Variants in GALNT13 observed in about 807,000 individuals in gnomAD.
The protein encoded by GALNT13 is UDP-GalNAc:polypeptide N-acetylgalactosaminyltransferase 13.
Under a neutral mutation model 64.2 loss-of-function variants are expected in GALNT13, and 28 were observed. The observed-to-expected ratio is 0.44, with a 90% CI of 0.32 to 0.60. The LOEUF is 0.60. Ranked by LOEUF, GALNT13 falls within the 20% of genes least tolerant of loss-of-function variation. The pLI, the probability that GALNT13 is intolerant of heterozygous loss-of-function variation, is 0.05. For missense variants in GALNT13, 577 were observed against 669.8 expected, an observed-to-expected ratio of 0.86 and a Z score of 1.53; for synonymous variants, 214 against 224.6, an observed-to-expected ratio of 0.95 and a Z score of 0.42.
At chr2:153,611,526 G>A in the GALNT13 span, among the ~76,000 whole-genome samples, 575 of 151,794 alleles carry the variant, frequency 3.8e-3, 3 homozygotes, top group Middle Eastern at 0.01. Context: ...CTGCCACCAC[G>A]CCAGGCTAAT....
At chr2:153,416,911 T>G in the GALNT13 span, among the ~76,000 whole-genome samples, 1 of 152,140 alleles carries the variant, frequency 6.6e-6, no homozygotes, top group Non-Finnish European at 1.5e-5. Flanking sequence ...AGAAAAAGAA[T>G]ACAGGACCTT....
At chr2:153,560,069 C>G in the GALNT13 span, among the ~76,000 whole-genome samples, 15 of 151,900 alleles carry the variant, frequency 9.9e-5, no homozygotes, top group African/African-American at 3.6e-4. Context: ...GTTCCTATAG[C>G]CTTTAGACAT....
the GALNT13 span, among the ~76,000 whole-genome samples, chr2:153,412,525 C>A: frequency 6.6e-6 from 1 of 152,186 alleles, no homozygotes; most frequent in Non-Finnish European, 1.5e-5. Flanking sequence ...TGTAAGAGTG[C>A]ACTGGCATGT....
At chr2:154,004,852 C>T (rs1023874946) in intron 3 of GALNT13, among the ~76,000 whole-genome samples, 1 of 152,066 alleles carries the variant, frequency 6.6e-6, no homozygotes, top group Non-Finnish European at 1.5e-5. Context: ...AATACACATA[C>T]CAGGTAGATA....
At chr2:154,359,217 G>A (rs868300615) in intron 9 of GALNT13, among the ~76,000 whole-genome samples, 2 of 152,052 alleles carry the variant, frequency 1.3e-5, no homozygotes, top group South Asian at 2.1e-4. Context: ...AAACTAGACC[G>A]GGTATCCTAT....
chr2:153,852,368 T>A, the GALNT13 span, among the ~76,000 whole-genome samples: 1 of 152,284 alleles, frequency 6.6e-6, no homozygotes, highest in South Asian at 2.1e-4. Context: ...ACCAAGTAAA[T>A]GATATTTTCA....
the GALNT13 span, among the ~76,000 whole-genome samples, chr2:153,251,810 T>C: frequency 6.6e-6 from 1 of 152,076 alleles, no homozygotes; most frequent in Non-Finnish European, 1.5e-5. Context: ...TCATCATTTT[T>C]TATGGCTGCA....
At chr2:153,257,589 CT>C in the GALNT13 span, among the ~76,000 whole-genome samples, 1 of 152,096 alleles carries the variant, frequency 6.6e-6, no homozygotes, top group Non-Finnish European at 1.5e-5. Flanking sequence ...TGACTTTTCC[CT>C]TAAAAGTTTG....
At chr2:153,408,209 T>C in the GALNT13 span, among the ~76,000 whole-genome samples, 1 of 152,270 alleles carries the variant, frequency 6.6e-6, no homozygotes, top group East Asian at 1.9e-4. Flanking sequence ...AAAGAGACTA[T>C]GGCTCATCTC....
intron 3 of GALNT13, among the ~76,000 whole-genome samples, chr2:153,946,547 C>A (rs1387491636): frequency 6.6e-6 from 1 of 152,042 alleles, no homozygotes; most frequent in African/African-American, 2.4e-5. Context: ...CTAGCAGATG[C>A]AACGTCTGAT....
intron 9 of GALNT13, among the ~76,000 whole-genome samples, chr2:154,376,542 C>T (rs181491761): frequency 6.6e-6 from 1 of 151,940 alleles, no homozygotes; most frequent in Non-Finnish European, 1.5e-5. Flanking sequence ...ACACAGAGTA[C>T]AACATTTTAG....
intron 11 of GALNT13, among the ~76,000 whole-genome samples, chr2:154,409,670 T>C (rs1699707182): frequency 6.6e-6 from 1 of 151,942 alleles, no homozygotes; most frequent in Admixed American, 6.6e-5. Context: ...AGAGCTATTT[T>C]ACTGCCATGG....
At chr2:153,713,323 C>G in the GALNT13 span, among the ~76,000 whole-genome samples, 1 of 152,268 alleles carries the variant, frequency 6.6e-6, no homozygotes, top group Non-Finnish European at 1.5e-5. Context: ...AAAACATAAG[C>G]AGCTCTCACA....
the GALNT13 span, among the ~76,000 whole-genome samples, chr2:153,473,190 CAAAA>C: frequency 6.6e-6 from 1 of 150,836 alleles, no homozygotes; most frequent in African/African-American, 2.4e-5. Context: ...AGTATAATAA[CAAAA>C]AAAAGGAAAA....
chr2:153,091,642 C>T, the GALNT13 span, among the ~76,000 whole-genome samples: 1 of 152,180 alleles, frequency 6.6e-6, no homozygotes, highest in East Asian at 1.9e-4. Context: ...GCCTTGTCTC[C>T]CATCTGCCAT....
intron 11 of GALNT13, among the ~76,000 whole-genome samples, chr2:154,431,206 T>A (rs1251813883): frequency 6.6e-6 from 1 of 152,164 alleles, no homozygotes; most frequent in Non-Finnish European, 1.5e-5. Context: ...GTAAAGGGCA[T>A]TTAATTCCTG....
intron 3 of GALNT13, among the ~76,000 whole-genome samples, chr2:154,063,003 G>C (rs1700274692): frequency 6.6e-6 from 1 of 151,980 alleles, no homozygotes; most frequent in Non-Finnish European, 1.5e-5. Flanking sequence ...CCTAATTCAA[G>C]AGTATTCTTT....
chr2:153,773,760 G>GA, the GALNT13 span, among the ~76,000 whole-genome samples: 1 of 152,146 alleles, frequency 6.6e-6, no homozygotes. Context: ...GGCTGTGGAA[G>GA]AAAAGGTAGA....
At chr2:153,462,498 C>T in the GALNT13 span, among the ~76,000 whole-genome samples, 3 of 152,072 alleles carry the variant, frequency 2.0e-5, no homozygotes, top group Non-Finnish European at 4.4e-5. Flanking sequence ...CTTTCTAGGA[C>T]AGCAAGGCAA....
Sources: allele counts gnomAD v4.1 joint callset (sites outside exome capture counted in the v4.1 genomes callset), GRCh38; gene constraint gnomAD v4.1.1; transcripts MANE v1.5; gene names NCBI Gene and HGNC (gene_info 2026-07-23, HGNC 2026-07-21).